FLRT2: variants seen among roughly 807,000 people sequenced by gnomAD.
The protein encoded by FLRT2 is fibronectin leucine rich transmembrane protein 2.
FLRT2 carries 15 observed loss-of-function variants against 40.0 expected under a neutral mutation model. The observed-to-expected ratio is 0.38, with a 90% CI of 0.25 to 0.58. The LOEUF (loss-of-function observed/expected upper bound fraction) is 0.58, where lower values mean the gene tolerates loss of function less well. Among genes scored for constraint, FLRT2 ranks in the 20% least tolerant of loss-of-function variants. FLRT2 has a pLI of 0.71. For synonymous variants in FLRT2, 380 were observed against 336.8 expected (o/e 1.13, Z -1.41); for missense variants, 726 against 840.0 (o/e 0.86, Z 1.68).
chr14:85,616,400 C>T (rs1893135023), intron 1 of FLRT2, among the ~76,000 whole-genome samples: 1 of 151,736 alleles, frequency 6.6e-6, no homozygotes, highest in Non-Finnish European at 1.5e-5. Flanking sequence ...AACATTTAGA[C>T]TTATAGGTGA....
chr14:85,576,562 G>T (rs1383913949), intron 1 of FLRT2, among the ~76,000 whole-genome samples: 2 of 152,174 alleles, frequency 1.3e-5, no homozygotes, highest in African/African-American at 2.4e-5. Context: ...CATATTGCTT[G>T]CCTCCAGCAT....
Position 85,626,905 on chromosome 14 carries a change from T to C in FLRT2, c.*3408T>C, listed in dbSNP as rs1893705509. 1 of 167,084 alleles carries C rather than the reference T, an allele frequency of 6.0e-6. No homozygotes were observed. The highest frequency in any genetic ancestry group is 1.5e-5 in the Non-Finnish European group (1 of 68,124). 10.4% of individuals were successfully genotyped at this position (167,084 alleles called of 1,614,324 possible). ...CTAGCACCTATCATAATGGTCTTAG[T>C]CATTTCACACAAATCAGAACTTCCT... On this transcript the variant is annotated 3_prime_UTR_variant, in exon 2 of 2. Transcript: ENST00000330753.
In FLRT2 at chr14:85,635,197, T is replaced by C. The variant is rs958167575; in HGVS notation, c.*11700T>C. On this transcript the variant is annotated 3_prime_UTR_variant, in exon 2 of 2. Coordinates refer to ENST00000330753, the MANE Select transcript of FLRT2 (RefSeq NM_013231.6). ...AAAGAACTGTGACTTTGTATCTGTG[T>C]GATATTATTTAATGTCCCTAAGCCT... The C allele has an allele frequency of 3.3e-5, 5 of 152,186 alleles. No individual in the cohort carries two copies. The highest frequency in any genetic ancestry group is 1.2e-4 in the African/African-American group (5 of 41,448). 9.4% of individuals were successfully genotyped at this position (152,186 alleles called of 1,614,324 possible). A position where few individuals can be genotyped will look rare whatever the true frequency, so the allele number is the denominator to read the frequency against.
intron 1 of FLRT2, among the ~76,000 whole-genome samples, chr14:85,568,450 G>A (rs1465815030): frequency 1.3e-5 from 2 of 152,136 alleles, no homozygotes; most frequent in African/African-American, 4.8e-5. Flanking sequence ...GTCATTGCTA[G>A]GTATGTTTCT....
intron 1 of FLRT2, among the ~76,000 whole-genome samples, chr14:85,604,234 T>C (rs2139338820): frequency 6.6e-6 from 1 of 152,272 alleles, no homozygotes; most frequent in Non-Finnish European, 1.5e-5. Flanking sequence ...GCATGACGCC[T>C]AGGAAAGGTA....
rs1438443086 is a variant in FLRT2 at position 85,643,249 on chromosome 14, T to C, written c.*19752T>C. 6.6e-6 allele frequency: 1 copy of C among 152,222 alleles called. No homozygotes were observed. Among genetic ancestry groups the C allele is most frequent in the Admixed American group, 6.5e-5 (1 of 15,274 alleles). 9.4% of individuals were successfully genotyped at this position (152,222 alleles called of 1,614,324 possible). ...ACCCATCATATGATTCACTTTAATG[T>C]CTAAAAACATCTCATGAGAGAGTTC... On this transcript the variant is annotated 3_prime_UTR_variant, in exon 2 of 2. Transcript: ENST00000330753.
intron 1 of FLRT2, among the ~76,000 whole-genome samples, chr14:85,609,348 G>C (rs1235687922): frequency 6.6e-6 from 1 of 152,136 alleles, no homozygotes; most frequent in Non-Finnish European, 1.5e-5. Context: ...GTCTAAGGTT[G>C]GTACTGTGGT....
chr14:85,622,520 G>T lies in FLRT2; in HGVS notation c.1006G>T (p.Gly336Cys). 6.2e-7 allele frequency: 1 copy of T among 1,614,028 alleles called. No homozygotes were observed. Among genetic ancestry groups the T allele is most frequent in the East Asian group, 2.2e-5 (1 of 44,860 alleles). Residue 336 changes from glycine to cysteine, a missense_variant, in exon 2 of 2, where the codon GGT becomes TGT. By Grantham distance (159) the Gly-to-Cys change is radical. Coordinates refer to ENST00000330753, the MANE Select transcript of FLRT2 (RefSeq NM_013231.6). ...KYIPSSLNVR[G>C]FMCQGPEQVR... ...TATCCCTTCATCTCTCAACGTGCGG[G>T]GTTTCATGTGCCAAGGTCCTGAACA...
At position 85,640,743 on chromosome 14, in the gene FLRT2, G is replaced by A. The variant is rs542289209; in HGVS notation, c.*17246G>A. 1.3e-5 allele frequency: 2 copies of A among 152,330 alleles called. No homozygotes were observed. Among genetic ancestry groups the A allele is most frequent in the East Asian group, 3.9e-4 (2 of 5,178 alleles). 9.4% of individuals were successfully genotyped at this position (152,330 alleles called of 1,614,324 possible). On this transcript the variant is annotated 3_prime_UTR_variant, in exon 2 of 2. Transcript: ENST00000330753. ...CTGCAAAGAGATTTGAGCCCCTTGA[G>A]TAGAACATAGGCCACATAGTGTGGC...
At chr14:85,587,066 T>C (rs1056156498) in intron 1 of FLRT2, among the ~76,000 whole-genome samples, 1 of 152,162 alleles carries the variant, frequency 6.6e-6, no homozygotes, top group Non-Finnish European at 1.5e-5. Flanking sequence ...TCTAACTTGA[T>C]ATTTAGCCCT....
At chr14:85,583,656 A>G (rs1290725113) in intron 1 of FLRT2, among the ~76,000 whole-genome samples, 1 of 152,138 alleles carries the variant, frequency 6.6e-6, no homozygotes, top group African/African-American at 2.4e-5. Context: ...TATTCCCTCA[A>G]GGCATTGTGC....
At chr14:85,557,349 C>T (rs1408739608) in intron 1 of FLRT2, among the ~76,000 whole-genome samples, 1 of 151,618 alleles carries the variant, frequency 6.6e-6, no homozygotes, top group Non-Finnish European at 1.5e-5. Context: ...TCTTGTAATA[C>T]CTCTGCCGCA....
At position 85,623,191 on chromosome 14, in the gene FLRT2, C is replaced by T. The variant is rs777758527; in HGVS notation, c.1677C>T (p.Leu559=). Residue 559 remains leucine (L), a synonymous_variant, in exon 2 of 2, where the codon CTC becomes CTT. Transcript: ENST00000330753. ...TGATATTTGTGCTGGTGGTCTTGCT[C>T]AGCGTCTTTTGCTGGCATATGCACA... ...GAVIFVLVVL[L]SVFCWHMHKK... is the part of the protein sequence containing the mutation. 7 of 1,549,940 alleles carry T rather than the reference C, an allele frequency of 4.5e-6. No homozygotes were observed. In the South Asian group the frequency reaches 5.0e-5, roughly 11 times the overall value.
chr14:85,546,479 A>G (rs1027665426), intron 1 of FLRT2, among the ~76,000 whole-genome samples: 5 of 152,138 alleles, frequency 3.3e-5, no homozygotes, highest in African/African-American at 4.8e-5. Flanking sequence ...TAGGTGTGGT[A>G]GCAGTTAGGT....
Position 85,629,624 on chromosome 14 carries a change from C to A in FLRT2, c.*6127C>A, listed in dbSNP as rs1166675335. Reference sequence around the variant, plus strand: ...AAGTGATTAGTCTATAGCTACAAATCCTGTAAATGGCAGAGTCAGGAATTA... The same window carrying A: ...AAGTGATTAGTCTATAGCTACAAATACTGTAAATGGCAGAGTCAGGAATTA... On this transcript the variant is annotated 3_prime_UTR_variant, in exon 2 of 2. Transcript: ENST00000330753. 1.3e-5 allele frequency: 2 copies of A among 152,148 alleles called. No homozygotes were observed. Among genetic ancestry groups the A allele is most frequent in the Admixed American group, 6.5e-5 (1 of 15,274 alleles). 9.4% of individuals were successfully genotyped at this position (152,148 alleles called of 1,614,324 possible).
Position 85,625,476 on chromosome 14 carries a change from T to C in FLRT2, c.*1979T>C, listed in dbSNP as rs1566767357. 6.0e-6 allele frequency: 1 copy of C among 167,014 alleles called. No homozygotes were observed. Among genetic ancestry groups the C allele is most frequent in the East Asian group, 1.9e-4 (1 of 5,202 alleles). 10.3% of individuals were successfully genotyped at this position (167,014 alleles called of 1,614,324 possible). On this transcript the variant is annotated 3_prime_UTR_variant, in exon 2 of 2. Coordinates refer to ENST00000330753, the MANE Select transcript of FLRT2 (RefSeq NM_013231.6). ...CCTCAGAATAAGCAGAAAATATAAC[T>C]GCAGCTGTATGTCGTAGACACAAGA...
chr14:85,619,024 G>A (rs1893264640), intron 1 of FLRT2, among the ~76,000 whole-genome samples: 1 of 151,724 alleles, frequency 6.6e-6, no homozygotes, highest in African/African-American at 2.4e-5. Flanking sequence ...TGGAAGGAAT[G>A]GCATCCTTTT....
rs12147729 is a variant in FLRT2, at chr14:85,650,379, A to T, written c.*26882A>T. ...ATTTTACTGTATTATATTGTTGAAC[A>T]TTTCCACTGTTTTACATTTTTTAGT... On this transcript the variant is annotated 3_prime_UTR_variant, in exon 2 of 2. Transcript: ENST00000330753. The T allele has an allele frequency of 6.6e-6, 1 of 151,712 alleles. No homozygotes were observed. The highest frequency in any genetic ancestry group is 1.5e-5 in the Non-Finnish European group (1 of 67,910). 9.4% of individuals were successfully genotyped at this position (151,712 alleles called of 1,614,324 possible).
chr14:85,553,376 G>A (rs1407424687), intron 1 of FLRT2, among the ~76,000 whole-genome samples: 1 of 152,088 alleles, frequency 6.6e-6, no homozygotes, highest in African/African-American at 2.4e-5. Context: ...GACCATCTAA[G>A]GTAAGGGTGT....
Sources: allele counts gnomAD v4.1 joint callset (sites outside exome capture counted in the v4.1 genomes callset), GRCh38; gene constraint gnomAD v4.1.1; transcripts MANE v1.5; gene names NCBI Gene and HGNC (gene_info 2026-07-23, HGNC 2026-07-21).